The following ADAM22 variants were observed in gnomAD, a reference collection of about 807,000 sequenced individuals.
ADAM22 encodes the protein ADAM metallopeptidase domain 22, also known as disintegrin and metalloproteinase domain-containing protein 22.
A neutral mutation model predicts 144.6 loss-of-function variants in ADAM22; 65 were observed. The ratio of observed to expected loss-of-function variants is 0.45; its 90% CI spans 0.37 to 0.55. The LOEUF (loss-of-function observed/expected upper bound fraction) is 0.55. Among genes scored for constraint, ADAM22 ranks in the 20% least tolerant of loss-of-function variants. ADAM22 has a pLI of 0.00. For synonymous variants in ADAM22, 391 were observed against 412.6 expected, an observed-to-expected ratio of 0.95 and a Z score of 0.63; for missense variants, 974 against 1,184.9, an observed-to-expected ratio of 0.82 and a Z score of 2.61.
At chr7:88,045,879 C>T (rs927277970) in intron 3 of ADAM22, among the ~76,000 whole-genome samples, 9 of 125,782 alleles carry the variant, frequency 7.2e-5, no homozygotes, top group Non-Finnish European at 1.4e-4. Flanking sequence ...AAGGCTGAGT[C>T]GTATTCTATT....
intron 7 of ADAM22, among the ~76,000 whole-genome samples, chr7:88,117,590 T>C (rs929878192): frequency 2.0e-5 from 3 of 152,200 alleles, no homozygotes; most frequent in African/African-American, 7.2e-5. Flanking sequence ...GACTCATTTG[T>C]TTTCTTCTGA....
At chr7:88,075,830 C>T (rs373408797) in intron 4 of ADAM22, 138 bp downstream of exon 4, 5 of 721,964 alleles carry the variant, frequency 6.9e-6, no homozygotes, top group African/African-American at 5.4e-5. Flanking sequence ...GAAGTTTTAT[C>T]ACCCACTTTG....
intron 3 of ADAM22, among the ~76,000 whole-genome samples, chr7:87,981,837 G>T (rs1036896800): frequency 2.0e-5 from 3 of 150,046 alleles, no homozygotes; most frequent in Non-Finnish European, 4.4e-5. Flanking sequence ...AAATGATGAG[G>T]ATAACATTAT....
chr7:88,071,391 A>ATTT (rs71297113), intron 3 of ADAM22, among the ~76,000 whole-genome samples: 2,605 of 125,978 alleles, frequency 0.021, 33 homozygotes, highest in South Asian at 0.025. Flanking sequence ...TTATGAAGTG[A>ATTT]TTTTTTTTTT....
chr7:88,069,002 A>G (rs1812008136), intron 3 of ADAM22, among the ~76,000 whole-genome samples: 1 of 152,128 alleles, frequency 6.6e-6, no homozygotes, highest in African/African-American at 2.4e-5. Context: ...TTTAAGGGTC[A>G]TTAGGCCATG....
At chr7:88,024,782 A>C (rs1294313843) in intron 3 of ADAM22, among the ~76,000 whole-genome samples, 1 of 143,208 alleles carries the variant, frequency 7.0e-6, no homozygotes, top group African/African-American at 2.6e-5. Context: ...ATTCCCACCT[A>C]TGAGCGAGAA....
At chr7:88,053,606 AAG>A (rs1185439316) in intron 3 of ADAM22, among the ~76,000 whole-genome samples, 6 of 99,320 alleles carry the variant, frequency 6.0e-5, no homozygotes, top group African/African-American at 1.9e-4. Flanking sequence ...GAAAGAAAGA[AAG>A]AAAGAAAGAA....
intron 2 of ADAM22, among the ~76,000 whole-genome samples, chr7:87,955,136 G>A (rs547252858): frequency 1.3e-5 from 2 of 152,180 alleles, no homozygotes; most frequent in East Asian, 1.9e-4. Context: ...CTCTCAACTC[G>A]TCAAAGTCAT....
chr7:88,137,780 T>C (rs1411096372), intron 14 of ADAM22, among the ~76,000 whole-genome samples: 1 of 152,210 alleles, frequency 6.6e-6, no homozygotes, highest in African/African-American at 2.4e-5. Flanking sequence ...TTCTTGATTG[T>C]GTTTGAATTT....
chr7:87,993,737 TC>T lies in ADAM22; in HGVS notation c.323+15327del, dbSNP rs1790446286. 2.0e-5 allele frequency among the ~76,000 whole-genome samples: 3 copies of T among 152,340 alleles called. No individual in the cohort carries two copies. The South Asian group carries it at 6.2e-4, about 32-fold the overall frequency. On this transcript the variant is annotated intron_variant, in intron 3 of 31. Coordinates refer to ENST00000413139, the MANE Select transcript of ADAM22 (RefSeq NM_001324418.2). The stretch of plus-strand genomic sequence containing the variant: ...TGGCTGGTTCTATCCCCCTTCTCAG[TC>T]CGTGTATGTGACTTTTTAGAGATCT...
At chr7:87,992,193 G>C (rs1251864382) in intron 3 of ADAM22, among the ~76,000 whole-genome samples, 1 of 152,214 alleles carries the variant, frequency 6.6e-6, no homozygotes, top group Non-Finnish European at 1.5e-5. Flanking sequence ...TTTCAAAGCT[G>C]TGTAAGATTT....
At chr7:88,013,060 CGCCCCCTAAGACTGGA>C (rs1165332311) in intron 3 of ADAM22, among the ~76,000 whole-genome samples, 6 of 152,200 alleles carry the variant, frequency 3.9e-5, no homozygotes, top group African/African-American at 1.4e-4. Context: ...AGTATGGGAA[CGCCCCCTAAGACTGGA>C]ATCCCCAGAT....
intron 17 of ADAM22, among the ~76,000 whole-genome samples, chr7:88,145,735 G>T (rs531164990): frequency 6.6e-6 from 1 of 152,256 alleles, no homozygotes; most frequent in South Asian, 2.1e-4. Flanking sequence ...TAAGTAGTTT[G>T]CCCAAGGTCT....
At chr7:87,967,336 C>T (rs1451631023) in intron 2 of ADAM22, among the ~76,000 whole-genome samples, 1 of 152,048 alleles carries the variant, frequency 6.6e-6, no homozygotes, top group Non-Finnish European at 1.5e-5. Context: ...GAGAATTGGC[C>T]ATACTTTAGA....
chr7:87,997,104 A>G (rs951267940), intron 3 of ADAM22, among the ~76,000 whole-genome samples: 5 of 152,194 alleles, frequency 3.3e-5, no homozygotes, highest in African/African-American at 1.2e-4. Flanking sequence ...CAGTGAGATT[A>G]CTATTGGAGT....
chr7:88,166,726 A>AT (rs1257881550), intron 24 of ADAM22, among the ~76,000 whole-genome samples: 18 of 152,176 alleles, frequency 1.2e-4, no homozygotes, highest in Admixed American at 1.0e-3. Context: ...TCATAGGATG[A>AT]TTAAGATTTT....
chr7:88,159,799 A>C (rs1841058502), intron 22 of ADAM22, among the ~76,000 whole-genome samples: 1 of 152,198 alleles, frequency 6.6e-6, no homozygotes, highest in East Asian at 1.9e-4. Flanking sequence ...CCAACATCAT[A>C]CTGAATAGGC....
At chr7:87,999,751 AATT>A (rs1457786060) in intron 3 of ADAM22, among the ~76,000 whole-genome samples, 6 of 152,344 alleles carry the variant, frequency 3.9e-5, no homozygotes, top group Admixed American at 3.9e-4. Flanking sequence ...TCTTTTAAAA[AATT>A]ATTTAAACCT....
chr7:87,992,992 C>T (rs192244414), intron 3 of ADAM22, among the ~76,000 whole-genome samples: 44 of 152,150 alleles, frequency 2.9e-4, no homozygotes, highest in Non-Finnish European at 5.1e-4. Flanking sequence ...TCAGGATCAC[C>T]GCAGAACTGA....
Sources: allele counts gnomAD v4.1 joint callset (sites outside exome capture counted in the v4.1 genomes callset), GRCh38; gene constraint gnomAD v4.1.1; transcripts MANE v1.5; gene names NCBI Gene and HGNC (gene_info 2026-07-23, HGNC 2026-07-21).